The following TBC1D8 variants were observed in gnomAD, a reference collection of about 807,000 sequenced individuals.
The protein encoded by TBC1D8 is BUB2-like protein 1.
Under a neutral mutation model 118.8 loss-of-function variants are expected in TBC1D8, and 65 were observed. The ratio of observed to expected loss-of-function variants is 0.55; its 90% CI spans 0.45 to 0.67. TBC1D8 has a LOEUF of 0.67. Ranked by LOEUF, TBC1D8 falls within the 30% of genes least tolerant of loss-of-function variation. The probability of loss-of-function intolerance (pLI) is 0.00; values close to 1 mark genes in which losing one functional copy is unlikely to be tolerated. For missense variants in TBC1D8, 1,376 were observed against 1,471.2 expected (o/e 0.94, Z 1.06); for synonymous variants, 566 against 595.8 (o/e 0.95, Z 0.73).
intron 1 of TBC1D8, among the ~76,000 whole-genome samples, chr2:101,103,691 CA>C (rs1291901969): frequency 3.3e-5 from 5 of 152,060 alleles, no homozygotes; most frequent in African/African-American, 7.2e-5. Flanking sequence ...CGCGCATGGC[CA>C]GAACTCTTTA....
rs72989233 is a variant in TBC1D8 at position 101,082,705 on chromosome 2, G to A, written c.283+7504C>T. ...CAACACTGCTCGAGCCCACTAACAC[G>A]AGGTGCCCGAGTAGGCAAATTCCTA... is the stretch of plus-strand genomic sequence containing the variant. On this transcript the variant is annotated intron_variant, in intron 2 of 19. Coordinates refer to ENST00000409318, the MANE Select transcript of TBC1D8 (RefSeq NM_001330348.2). Among the ~76,000 whole-genome samples the A allele has an allele frequency of 6.9e-3, 1,050 of 152,300 alleles. 10 individuals are homozygous for A. Among genetic ancestry groups the A allele is most frequent in the African/African-American group, 0.024 (1,005 of 41,568 alleles).
chr2:101,109,907 C>T (rs1677486427), intron 1 of TBC1D8: 1 of 985,498 alleles, frequency 1.0e-6, no homozygotes, highest in Non-Finnish European at 1.2e-6. Context: ...GCTGCATCTC[C>T]AGGAATGAGG....
intron 8 of TBC1D8, among the ~76,000 whole-genome samples, chr2:101,037,326 G>T (rs1174447536): frequency 3.3e-5 from 5 of 152,370 alleles, no homozygotes; most frequent in Admixed American, 1.3e-4. Flanking sequence ...GCTGCGCGAG[G>T]TTTACCGAAG....
At chr2:101,054,560 G>A (rs529660011) in intron 3 of TBC1D8, among the ~76,000 whole-genome samples, 1 of 150,766 alleles carries the variant, frequency 6.6e-6, no homozygotes, top group South Asian at 2.1e-4. Context: ...GTCGGGGTCA[G>A]AAAACCCAAG....
intron 1 of TBC1D8, among the ~76,000 whole-genome samples, chr2:101,125,078 G>A (rs1465135880): frequency 1.3e-5 from 2 of 152,148 alleles, no homozygotes; most frequent in African/African-American, 2.4e-5. Flanking sequence ...AAAACAAGCA[G>A]CCTCCCATGA....
At chr2:101,032,136 TCA>T in intron 11 of TBC1D8, 130 bp downstream of exon 11, 3 of 808,988 alleles carry the variant, frequency 3.7e-6, no homozygotes, top group Non-Finnish European at 6.0e-6. Context: ...AATTCAGGAG[TCA>T]AACTGTGTTT....
rs564822562 is a variant in TBC1D8 at position 101,075,766 on chromosome 2, C to A, written c.283+14443G>T. 1.8e-4 allele frequency among the ~76,000 whole-genome samples: 28 copies of A among 152,258 alleles called. No homozygotes were observed. The East Asian group carries it at 5.4e-3, about 29-fold the overall frequency. The stretch of plus-strand genomic sequence containing the variant: ...CCTTTATAAATTGTCCAGTCTCAGG[C>A]AGTTCTTTATAGCAGTATAAAACGG... On this transcript the variant is annotated intron_variant, in intron 2 of 19. Transcript: ENST00000409318.
chr2:101,093,635 A>C (rs1192084374), intron 1 of TBC1D8, among the ~76,000 whole-genome samples: 1 of 151,982 alleles, frequency 6.6e-6, no homozygotes, highest in African/African-American at 2.4e-5. Context: ...GAATCACTTG[A>C]ACCCAGGTGG....
At chr2:101,056,965 T>C (rs959274651) in intron 3 of TBC1D8, among the ~76,000 whole-genome samples, 7 of 152,228 alleles carry the variant, frequency 4.6e-5, no homozygotes, top group African/African-American at 1.7e-4. Context: ...TCAAATGTCA[T>C]GCTGTGCTCC....
At chr2:101,027,044 G>A (rs72821058) in intron 15 of TBC1D8, among the ~76,000 whole-genome samples, 15,248 of 152,236 alleles carry the variant, frequency 0.1, 919 homozygotes, top group Non-Finnish European at 0.13. Context: ...GTCACCGCAG[G>A]ACCCAGAGCC....
chr2:101,128,104 C>T (rs185489617), intron 1 of TBC1D8, among the ~76,000 whole-genome samples: 1 of 152,240 alleles, frequency 6.6e-6, no homozygotes, highest in Admixed American at 6.5e-5. Flanking sequence ...TCTTTTCCAC[C>T]TCCTAATAGT....
chr2:101,109,707 T>G, intron 1 of TBC1D8: 2 of 777,334 alleles, frequency 2.6e-6, no homozygotes, highest in Non-Finnish European at 3.1e-6. Flanking sequence ...GCTGAGGCCC[T>G]GAGCACTGAG....
chr2:101,118,547 A>T (rs1198070408), intron 1 of TBC1D8, among the ~76,000 whole-genome samples: 1 of 151,922 alleles, frequency 6.6e-6, no homozygotes, highest in Non-Finnish European at 1.5e-5. Flanking sequence ...ATACAAAAAA[A>T]TTAGCCAGGC....
At chr2:101,096,598 G>C (rs1479947278) in intron 1 of TBC1D8, among the ~76,000 whole-genome samples, 1 of 152,036 alleles carries the variant, frequency 6.6e-6, no homozygotes, top group Non-Finnish European at 1.5e-5. Context: ...TGCAAGAACA[G>C]ATGGGTAAAC....
At chr2:101,010,822 C>T (rs1347011006) in intron 19 of TBC1D8, 107 bp downstream of exon 19, 21 of 838,770 alleles carry the variant, frequency 2.5e-5, no homozygotes, top group Admixed American at 9.9e-5. Context: ...GTGGAGGTTG[C>T]AGTGGGCTGA....
chr2:101,021,656 G>C, intron 17 of TBC1D8, 25 bp downstream of exon 17: 2 of 1,526,018 alleles, frequency 1.3e-6, no homozygotes, highest in South Asian at 2.3e-5. Context: ...AGCACAGTCT[G>C]ATTTTGCTAC....
At position 101,010,909 on chromosome 2, in the gene TBC1D8, G is replaced by A. The variant is rs746203418; in HGVS notation, c.3015+20C>T. On this transcript the variant is annotated intron_variant, in intron 19 of 19. Coordinates refer to ENST00000409318, the MANE Select transcript of TBC1D8 (RefSeq NM_001330348.2). ...AAAAAAAAAAAAAAGTTAATTCTCT[G>A]CACTGAAGAAAGTCCATACCTGGCT... The A allele has an allele frequency of 6.4e-7, 1 of 1,572,384 alleles. No homozygotes were observed. The highest frequency in any genetic ancestry group is 1.1e-5 in the South Asian group (1 of 88,682).
intron 2 of TBC1D8, among the ~76,000 whole-genome samples, chr2:101,069,756 G>T (rs777922508): frequency 6.6e-6 from 1 of 152,050 alleles, no homozygotes; most frequent in Non-Finnish European, 1.5e-5. Flanking sequence ...ATTAAACATA[G>T]CAGTTAAACT....
At chr2:101,050,760 A>T in intron 4 of TBC1D8, 119 bp from the exon 5 acceptor site, 1 of 1,308,070 alleles carries the variant, frequency 7.6e-7, no homozygotes, top group Non-Finnish European at 1.0e-6. Flanking sequence ...CTTTTTAAAA[A>T]ATCTTTTAAG....
Sources: allele counts gnomAD v4.1 joint callset (sites outside exome capture counted in the v4.1 genomes callset), GRCh38; gene constraint gnomAD v4.1.1; transcripts MANE v1.5; gene names NCBI Gene and HGNC (gene_info 2026-07-23, HGNC 2026-07-21).